The following ELAVL2 variants were observed in gnomAD, a reference collection of about 807,000 sequenced individuals.
The protein encoded by ELAVL2 is ELAV-like protein 2.
Under a neutral mutation model 34.6 loss-of-function variants are expected in ELAVL2, and 4 were observed. The ratio of observed to expected loss-of-function variants is 0.12; its 90% CI spans 0.06 to 0.26. The LOEUF (loss-of-function observed/expected upper bound fraction) is 0.26. ELAVL2 is among the 10% of genes least tolerant of loss of function. The pLI is 1.00. For missense variants in ELAVL2, 432 were observed against 442.8 expected, an observed-to-expected ratio of 0.98 and a Z score of 0.22; for synonymous variants, 193 against 154.8, an observed-to-expected ratio of 1.25 and a Z score of -1.83.
At chr9:23,785,685 A>T (rs1287819760) in intron 1 of ELAVL2, among the ~76,000 whole-genome samples, 3 of 152,190 alleles carry the variant, frequency 2.0e-5, no homozygotes, top group Non-Finnish European at 2.9e-5. Flanking sequence ...ATCTAGACCT[A>T]TTCTGTCAAT....
At chr9:23,713,900 G>T (rs1433334326) in intron 3 of ELAVL2, among the ~76,000 whole-genome samples, 3 of 152,038 alleles carry the variant, frequency 2.0e-5, no homozygotes, top group African/African-American at 7.2e-5. Flanking sequence ...CTAGGTCCAG[G>T]TCTTGGCTCT....
chr9:23,705,035 C>T lies in ELAVL2; in HGVS notation c.370G>A (p.Asp124Asn), dbSNP rs1238539976. The T allele has an allele frequency of 1.9e-6, 3 of 1,613,976 alleles. No individual in the cohort carries two copies. Among genetic ancestry groups the T allele is most frequent in the African/African-American group, 1.3e-5 (1 of 74,914 alleles). The change falls in exon 4 of 7, where the codon GAT (aspartate) becomes AAT (asparagine). Residue 124 changes from aspartate (D) to asparagine (N), a missense_variant. By Grantham distance (23) the Asp-to-Asn change is conservative (BLOSUM62 1). Coordinates refer to ENST00000397312, the MANE Select transcript of ELAVL2 (RefSeq NM_004432.5). ...YARPSSASIR[D>N]ANLYVSGLPK... ...AGTCCGCTGACATATAAATTTGCAT[C>T]TCTGATAGAAGCTGAACTTGGGCGA...
the ELAVL2 span, chr9:23,847,519 C>T: frequency 6.6e-6 from 1 of 152,144 alleles, no homozygotes; most frequent in African/African-American, 2.4e-5. Context: ...ATTTGTAAAA[C>T]TTATTCTAAT....
rs1314328448 is a variant in ELAVL2, at chr9:23,692,907, C to T, written c.753-23G>A. 2.5e-6 allele frequency: 4 copies of T among 1,592,078 alleles called. No individual in the cohort carries two copies. In the African/African-American group the frequency reaches 5.4e-5, roughly 22 times the overall value. On this transcript the variant is annotated intron_variant, in intron 6 of 6. Transcript: ENST00000397312. ...AACCTGCTAAACAGAATAGGAAATA[C>T]ACACATACACACAAAAAATAAAAAC...
Position 23,744,076 on chromosome 9 carries a change from G to A in ELAVL2, c.230-12951C>T, listed in dbSNP as rs12551721. Among the ~76,000 whole-genome samples the A allele has an allele frequency of 7.9e-5, 12 of 152,284 alleles. No individual in the cohort carries two copies. The East Asian group carries it at 2.1e-3, about 27-fold the overall frequency. ...CCACAAAGGGGTCCCTAAGGAAAAG[G>A]AGGTTAGGAGTTTAAGGCCTCCAGC... On this transcript the variant is annotated intron_variant, in intron 2 of 6. Coordinates refer to ENST00000397312, the MANE Select transcript of ELAVL2 (RefSeq NM_004432.5).
chr9:23,728,827 C>A (rs1040305071), intron 3 of ELAVL2, among the ~76,000 whole-genome samples: 1 of 152,046 alleles, frequency 6.6e-6, no homozygotes, highest in Non-Finnish European at 1.5e-5. Flanking sequence ...TCTGCTTTGC[C>A]TCTTAGACAA....
chr9:23,775,817 G>A lies in ELAVL2; in HGVS notation c.-15-13568C>T, dbSNP rs530598724. Among the ~76,000 whole-genome samples, 3 of 152,216 alleles carry A rather than the reference G, an allele frequency of 2.0e-5. No individual in the cohort carries two copies. In the South Asian group the frequency reaches 6.2e-4, roughly 32 times the overall value. On this transcript the variant is annotated intron_variant, in intron 1 of 6. Coordinates refer to ENST00000397312, the MANE Select transcript of ELAVL2 (RefSeq NM_004432.5). ...GTCACCCAACCTGTTTTCTCCACCT[G>A]CAACAGCCTACCTTTCTTCTCCTGC... is the stretch of plus-strand genomic sequence containing the variant.
Position 23,715,252 on chromosome 9 carries a change from C to T in ELAVL2, c.334-10181G>A, listed in dbSNP as rs560123675. Among the ~76,000 whole-genome samples, 26 of 152,266 alleles carry T rather than the reference C, an allele frequency of 1.7e-4. No homozygotes were observed. In the East Asian group the frequency reaches 4.1e-3, roughly 24 times the overall value. On this transcript the variant is annotated intron_variant, in intron 3 of 6. Coordinates refer to ENST00000397312, the MANE Select transcript of ELAVL2 (RefSeq NM_004432.5). Reference sequence around the variant, plus strand: ...CAAGCTCCACCTCCCGGGTTCACACCATTCTCCTGCCTCAGCCTCCCGAGT... The same window carrying T: ...CAAGCTCCACCTCCCGGGTTCACACTATTCTCCTGCCTCAGCCTCCCGAGT...
At chr9:23,803,899 T>A (rs1040351014) in intron 1 of ELAVL2, among the ~76,000 whole-genome samples, 9 of 152,230 alleles carry the variant, frequency 5.9e-5, no homozygotes, top group South Asian at 4.1e-4. Context: ...TCAACCAGAC[T>A]TGGAGAACTT....
At position 23,701,468 on chromosome 9, in the gene ELAVL2, T is replaced by C. The variant is rs2037182089; in HGVS notation, c.624A>G (p.Gln208=). The C allele has an allele frequency of 6.2e-7, 1 of 1,614,140 alleles. No homozygotes were observed. Among genetic ancestry groups the C allele is most frequent in the Non-Finnish European group, 8.5e-7 (1 of 1,180,016 alleles). ...ITVKFANNPS[Q]KTNQAILSQL... is the part of the protein sequence containing the mutation. ...GGGAAAGGATGGCCTGATTGGTTTT[T>C]TGGCTTGGGTTATTAGCAAACTTTA... The change falls in exon 5 of 7, where the codon CAA becomes CAG. Residue 208 remains glutamine (Q), a synonymous_variant. Transcript: ENST00000397312.
At chr9:23,714,952 C>A (rs1428661811) in intron 3 of ELAVL2, among the ~76,000 whole-genome samples, 4 of 152,120 alleles carry the variant, frequency 2.6e-5, no homozygotes, top group African/African-American at 7.2e-5. Context: ...GTATTTTGAG[C>A]CTTCTTAAAT....
At chr9:23,830,481 C>T (rs1054169991), upstream of ELAVL2, among the ~76,000 whole-genome samples, 2 of 152,014 alleles carry the variant, frequency 1.3e-5, no homozygotes, top group African/African-American at 2.4e-5. Context: ...CCTGAGGTTG[C>T]TGTTTACACT....
At chr9:23,844,795 C>A in the ELAVL2 span, among the ~76,000 whole-genome samples, 1 of 151,900 alleles carries the variant, frequency 6.6e-6, no homozygotes, top group African/African-American at 2.4e-5. Context: ...ATTACTCTGC[C>A]CTTTCTATAA....
Position 23,804,302 on chromosome 9 carries a change from C to A in ELAVL2, c.-16+21504G>T, listed in dbSNP as rs538068031. Among the ~76,000 whole-genome samples, 43 of 150,898 alleles carry A rather than the reference C, an allele frequency of 2.8e-4. No individual in the cohort carries two copies. In the South Asian group the frequency reaches 8.8e-3, roughly 31 times the overall value. On this transcript the variant is annotated intron_variant, in intron 1 of 6. Coordinates refer to ENST00000397312, the MANE Select transcript of ELAVL2 (RefSeq NM_004432.5). The stretch of plus-strand genomic sequence containing the variant: ...AATAAAAGACAGAAATATTTAATTT[C>A]TTCAAATCTACACCTGAGAGGTTAA...
chr9:23,790,527 C>G (rs753082908), intron 1 of ELAVL2, among the ~76,000 whole-genome samples: 30 of 151,958 alleles, frequency 2.0e-4, no homozygotes, highest in Non-Finnish European at 4.1e-4. Flanking sequence ...AAATAGTATC[C>G]TTCATCTCAT....
chr9:23,799,748 C>A (rs72693565), intron 1 of ELAVL2, among the ~76,000 whole-genome samples: 21,409 of 152,204 alleles, frequency 0.14, 1,960 homozygotes, highest in East Asian at 0.3. Context: ...AGCTTCTTTA[C>A]AGACCTAACA....
At chr9:23,761,439 C>T (rs548456551) in intron 2 of ELAVL2, among the ~76,000 whole-genome samples, 2 of 152,064 alleles carry the variant, frequency 1.3e-5, no homozygotes, top group African/African-American at 4.8e-5. Context: ...ATAATTAAGG[C>T]TTTATCTTTA....
At chr9:23,755,601 T>C (rs772113361) in intron 2 of ELAVL2, among the ~76,000 whole-genome samples, 3 of 152,164 alleles carry the variant, frequency 2.0e-5, no homozygotes, top group African/African-American at 7.2e-5. Context: ...TCCACAAACT[T>C]GACACAAATT....
intron 1 of ELAVL2, among the ~76,000 whole-genome samples, chr9:23,772,686 G>A (rs1049176713): frequency 7.2e-5 from 11 of 152,074 alleles, no homozygotes; most frequent in Non-Finnish European, 1.0e-4. Context: ...AGCAAAACAA[G>A]GAGTCTAAAA....
Sources: gnomAD v4.1 joint callset for allele counts (sites outside exome capture counted in the v4.1 genomes callset) on GRCh38, gnomAD v4.1.1 for gene constraint, MANE v1.5 for transcripts, NCBI Gene and HGNC (gene_info 2026-07-23, HGNC 2026-07-21) for gene names.